ERBIN: variants seen among roughly 807,000 people sequenced by gnomAD.
The protein encoded by ERBIN is densin-180-like protein.
Under a neutral mutation model 158.4 loss-of-function variants are expected in ERBIN, and 60 were observed. The observed-to-expected ratio is 0.38, with a 90% CI of 0.31 to 0.47. ERBIN has a LOEUF of 0.47. Among genes scored for constraint, ERBIN ranks in the 20% least tolerant of loss-of-function variants. The pLI is 0.99. For missense variants in ERBIN, 1,610 were observed against 1,648.0 expected, an observed-to-expected ratio of 0.98 and a Z score of 0.40; for synonymous variants, 594 against 557.2, an observed-to-expected ratio of 1.07 and a Z score of -0.93.
At chr5:65,978,245 TTTCTTTCC>T (rs1484777138) in intron 1 of ERBIN, among the ~76,000 whole-genome samples, 1 of 152,222 alleles carries the variant, frequency 6.6e-6, no homozygotes, top group Non-Finnish European at 1.5e-5. Context: ...TATTGAGCTG[TTTCTTTCC>T]TCATTCTCTC....
At chr5:65,987,041 A>G (rs1461334664) in intron 1 of ERBIN, among the ~76,000 whole-genome samples, 7 of 152,066 alleles carry the variant, frequency 4.6e-5, no homozygotes, top group Non-Finnish European at 1.0e-4. Flanking sequence ...AAAATGGGAG[A>G]GTGGTGGTGT....
chr5:65,991,798 A>C (rs1398240177), intron 2 of ERBIN, among the ~76,000 whole-genome samples: 1 of 152,176 alleles, frequency 6.6e-6, no homozygotes, highest in Non-Finnish European at 1.5e-5. Flanking sequence ...TTCTTTATTT[A>C]AGCAAGTTTT....
intron 1 of ERBIN, among the ~76,000 whole-genome samples, chr5:65,946,042 C>T (rs1013091914): frequency 2.6e-5 from 4 of 152,060 alleles, no homozygotes; most frequent in African/African-American, 9.7e-5. Flanking sequence ...CCTTTACCCC[C>T]TGCATTTTGT....
intron 1 of ERBIN, among the ~76,000 whole-genome samples, chr5:65,932,717 A>C (rs1743592337): frequency 6.6e-6 from 1 of 151,870 alleles, no homozygotes; most frequent in South Asian, 2.1e-4. Flanking sequence ...CACTTACTTG[A>C]TTTTCATTTG....
At chr5:65,991,768 C>A (rs1228642011) in intron 2 of ERBIN, among the ~76,000 whole-genome samples, 1 of 152,146 alleles carries the variant, frequency 6.6e-6, no homozygotes, top group Non-Finnish European at 1.5e-5. Flanking sequence ...GGCCTTTTCC[C>A]TCAATTAATT....
At chr5:66,067,936 C>G (rs1761165881) in intron 21 of ERBIN, among the ~76,000 whole-genome samples, 1 of 151,998 alleles carries the variant, frequency 6.6e-6, no homozygotes, top group South Asian at 2.1e-4. Flanking sequence ...CATAGCAAGA[C>G]CCATGTCTCT....
intron 7 of ERBIN, among the ~76,000 whole-genome samples, chr5:66,018,878 G>A (rs994273292): frequency 4.0e-5 from 6 of 151,516 alleles, no homozygotes; most frequent in African/African-American, 4.8e-5. Context: ...CTCATGATGC[G>A]CCTGCCTTGG....
chr5:66,062,216 T>A (rs949660148), intron 21 of ERBIN, among the ~76,000 whole-genome samples: 1 of 152,236 alleles, frequency 6.6e-6, no homozygotes, highest in Admixed American at 6.5e-5. Flanking sequence ...CATAGTCCCA[T>A]ATTTCTTGGA....
intron 14 of ERBIN, among the ~76,000 whole-genome samples, chr5:66,034,220 C>T (rs1757167021): frequency 2.0e-5 from 3 of 151,224 alleles, no homozygotes; most frequent in South Asian, 2.1e-4. Context: ...TTGGGTATGA[C>T]GTTTGTGAAA....
At position 65,933,887 on chromosome 5, in the gene ERBIN, C is replaced by G. The variant is rs973814459; in HGVS notation, c.-58+7081C>G. Among the ~76,000 whole-genome samples, 7 of 152,136 alleles carry G rather than the reference C, an allele frequency of 4.6e-5. No individual in the cohort carries two copies. The East Asian group carries it at 9.6e-4, about 21-fold the overall frequency. ...TTGACTAAGTTGCTAACATGATGCC[C>G]TGTCGTCATCCCTAAATATATATTT... is the stretch of plus-strand genomic sequence containing the variant. On this transcript the variant is annotated intron_variant, in intron 1 of 25. Coordinates refer to ENST00000284037, the MANE Select transcript of ERBIN (RefSeq NM_001253697.2).
intron 7 of ERBIN, among the ~76,000 whole-genome samples, chr5:66,019,228 A>C (rs1218429929): frequency 6.6e-6 from 1 of 152,090 alleles, no homozygotes; most frequent in Non-Finnish European, 1.5e-5. Context: ...TATAACTTTG[A>C]GACCTCACAA....
intron 17 of ERBIN, among the ~76,000 whole-genome samples, chr5:66,045,658 A>C (rs1758362587): frequency 6.6e-6 from 1 of 152,184 alleles, no homozygotes; most frequent in Non-Finnish European, 1.5e-5. Flanking sequence ...CTGAACTGGG[A>C]AACAAATAAT....
chr5:65,965,444 T>A (rs1748490925), intron 1 of ERBIN, among the ~76,000 whole-genome samples: 1 of 139,388 alleles, frequency 7.2e-6, no homozygotes. Flanking sequence ...CTCACTCTGT[T>A]GCCCGAGCTG....
At chr5:65,976,742 C>T (rs1287027786) in intron 1 of ERBIN, among the ~76,000 whole-genome samples, 2 of 151,704 alleles carry the variant, frequency 1.3e-5, no homozygotes, top group Non-Finnish European at 2.9e-5. Context: ...TGCCTTCAAG[C>T]ATCTGTTTAA....
intron 18 of ERBIN, among the ~76,000 whole-genome samples, 198 bp from the exon 19 acceptor site, chr5:66,048,469 T>G (rs1344756728): frequency 1.3e-5 from 2 of 151,958 alleles, no homozygotes; most frequent in African/African-American, 4.8e-5. Context: ...ATTAGGATAA[T>G]GGTGCCATGA....
intron 21 of ERBIN, 87 bp downstream of exon 21, chr5:66,055,038 G>C (rs1355962866): frequency 4.4e-5 from 64 of 1,440,658 alleles, no homozygotes; most frequent in Non-Finnish European, 1.9e-5. Context: ...CTGAATTACT[G>C]ATTATCTCTT....
intron 1 of ERBIN, among the ~76,000 whole-genome samples, chr5:65,979,138 ATAT>A (rs1283088389): frequency 1.3e-5 from 2 of 152,150 alleles, no homozygotes; most frequent in Admixed American, 6.6e-5. Context: ...ACTTAAAACA[ATAT>A]TATAGTGGGG....
At chr5:66,021,270 C>T (rs941884773) in intron 7 of ERBIN, 52 bp from the exon 8 acceptor site, 1 of 1,166,866 alleles carries the variant, frequency 8.6e-7, no homozygotes, top group East Asian at 2.5e-5. Flanking sequence ...TTGAAAGCTT[C>T]CATGTAATTG....
intron 21 of ERBIN, among the ~76,000 whole-genome samples, chr5:66,060,840 G>T (rs1392360802): frequency 6.6e-6 from 1 of 152,208 alleles, no homozygotes; most frequent in Non-Finnish European, 1.5e-5. Context: ...TTTCGATGTA[G>T]TTGAGCGGTT....
Sources: allele counts gnomAD v4.1 joint callset (sites outside exome capture counted in the v4.1 genomes callset), GRCh38; gene constraint gnomAD v4.1.1; transcripts MANE v1.5; gene names NCBI Gene and HGNC (gene_info 2026-07-23, HGNC 2026-07-21).